CRIM1: variants seen among roughly 807,000 people sequenced by gnomAD.
CRIM1 encodes cysteine rich transmembrane BMP regulator 1.
CRIM1 carries 32 observed loss-of-function variants against 116.4 expected under a neutral mutation model. The observed-to-expected ratio is 0.27, with a 90% CI of 0.21 to 0.37. The LOEUF is 0.37. Ranked by LOEUF, CRIM1 falls within the 10% of genes least tolerant of loss-of-function variation. The pLI is 1.00. For synonymous variants in CRIM1, 590 were observed against 509.2 expected (o/e 1.16, Z -2.13); for missense variants, 1,331 against 1,354.8 (o/e 0.98, Z 0.28).
chr2:36,501,462 T>C (rs1216054881), intron 8 of CRIM1, among the ~76,000 whole-genome samples: 1 of 152,172 alleles, frequency 6.6e-6, no homozygotes, highest in Non-Finnish European at 1.5e-5. Flanking sequence ...CTCACACCTA[T>C]AATCCCAGCA....
At chr2:36,401,033 T>C (rs538895674) in intron 2 of CRIM1, among the ~76,000 whole-genome samples, 1 of 152,266 alleles carries the variant, frequency 6.6e-6, no homozygotes, top group South Asian at 2.1e-4. Context: ...AACATGGGTC[T>C]CCATTTCTGT....
intron 8 of CRIM1, among the ~76,000 whole-genome samples, chr2:36,507,629 C>T (rs569999822): frequency 2.0e-5 from 3 of 152,220 alleles, no homozygotes; most frequent in Admixed American, 6.5e-5. Context: ...TCCTAGGAGG[C>T]ATAGCCAGTC....
chr2:36,357,586 G>A (rs982406942), intron 1 of CRIM1, among the ~76,000 whole-genome samples: 1 of 152,180 alleles, frequency 6.6e-6, no homozygotes, highest in Non-Finnish European at 1.5e-5. Context: ...CTGGTTTGGG[G>A]TCTAGAGCGA....
At chr2:36,527,485 C>T (rs1047299029) in intron 13 of CRIM1, among the ~76,000 whole-genome samples, 1 of 152,146 alleles carries the variant, frequency 6.6e-6, no homozygotes, top group African/African-American at 2.4e-5. Context: ...TTCTTCTCAA[C>T]TGGCTGTGAT....
In CRIM1 at chr2:36,456,328, T is replaced by C. The variant is rs73924838; in HGVS notation, c.870-8206T>C. On this transcript the variant is annotated intron_variant, in intron 4 of 16. Coordinates refer to ENST00000280527, the MANE Select transcript of CRIM1 (RefSeq NM_016441.3). ...GGTAAACAGCTACAAAATCATTACG[T>C]GTTCATAAACAAGCTGATTCATTGT... 7.8e-3 allele frequency among the ~76,000 whole-genome samples: 1,181 copies of C among 152,320 alleles called. 20 individuals are homozygous for C. The highest frequency in any genetic ancestry group is 0.027 in the African/African-American group (1,109 of 41,566).
At chr2:36,474,963 A>G (rs191128689) in intron 5 of CRIM1, among the ~76,000 whole-genome samples, 21 of 152,082 alleles carry the variant, frequency 1.4e-4, no homozygotes, top group East Asian at 7.7e-4. Context: ...CTATATATCT[A>G]TCCCTGTGGC....
intron 8 of CRIM1, among the ~76,000 whole-genome samples, chr2:36,509,269 G>C (rs150793830): frequency 8.6e-4 from 131 of 152,258 alleles, no homozygotes; most frequent in Middle Eastern, 6.8e-3. Context: ...TGTAACCCCA[G>C]CACTTGGGAA....
At chr2:36,546,765 T>C (rs1235056008) in intron 15 of CRIM1, among the ~76,000 whole-genome samples, 1 of 52,616 alleles carries the variant, frequency 1.9e-5, no homozygotes, top group Non-Finnish European at 3.6e-5. Flanking sequence ...TCACTCTGAT[T>C]TTTTTTTTTT....
intron 16 of CRIM1, among the ~76,000 whole-genome samples, chr2:36,547,730 T>A (rs1312946498): frequency 6.6e-6 from 1 of 152,100 alleles, no homozygotes; most frequent in Admixed American, 6.5e-5. Context: ...GATTTCACAC[T>A]AAGGGAGAAA....
At chr2:36,438,061 G>A (rs1675465056) in intron 2 of CRIM1, among the ~76,000 whole-genome samples, 1 of 151,724 alleles carries the variant, frequency 6.6e-6, no homozygotes, top group Admixed American at 6.6e-5. Flanking sequence ...GAACCCAGGA[G>A]GTGGAGGTTG....
intron 9 of CRIM1, among the ~76,000 whole-genome samples, chr2:36,511,300 A>T (rs1664658618): frequency 6.6e-6 from 1 of 152,042 alleles, no homozygotes; most frequent in Non-Finnish European, 1.5e-5. Context: ...TCTGTCAGTC[A>T]TCTTTTTCAT....
Position 36,384,340 on chromosome 2 carries a change from G to C in CRIM1, c.332-12274G>C, listed in dbSNP as rs1671012266. ...GGCTAGGCACAGGCCTCATTTATCA[G>C]TGTGAGGGGTCAGACTTGACCCTGT... On this transcript the variant is annotated intron_variant, in intron 1 of 16. Transcript: ENST00000280527. Among the ~76,000 whole-genome samples, 3 of 152,192 alleles carry C rather than the reference G, an allele frequency of 2.0e-5. No individual in the cohort carries two copies. In the South Asian group the frequency reaches 6.2e-4, roughly 31 times the overall value.
chr2:36,539,583 G>A (rs1323437121), intron 14 of CRIM1, among the ~76,000 whole-genome samples: 1 of 152,164 alleles, frequency 6.6e-6, no homozygotes, highest in Non-Finnish European at 1.5e-5. Context: ...GGTCAATAGT[G>A]AAAGCAGAGA....
At chr2:36,465,585 A>G (rs1247566630) in intron 5 of CRIM1, among the ~76,000 whole-genome samples, 1 of 152,146 alleles carries the variant, frequency 6.6e-6, no homozygotes, top group Admixed American at 6.5e-5. Flanking sequence ...GTTGAGTCCT[A>G]TTTGGTTGCA....
Position 36,548,799 on chromosome 2 carries a change from T to TG in CRIM1, c.*100dup. The TG allele has an allele frequency of 9.7e-7, 1 of 1,028,956 alleles. No individual in the cohort carries two copies. The highest frequency in any genetic ancestry group is 1.4e-6 in the Non-Finnish European group (1 of 703,120). 63.7% of individuals were successfully genotyped at this position (1,028,956 alleles called of 1,614,324 possible). A position where few individuals can be genotyped will look rare whatever the true frequency, so the allele number is the denominator to read the frequency against. Reference sequence around the variant, plus strand: ...TGTGCACTTGCTTAGTGGATTGTATTGGATTGTGACTTGATGTACAGCGCT... The same window carrying TG: ...TGTGCACTTGCTTAGTGGATTGTATTGGGATTGTGACTTGATGTACAGCGCT... On this transcript the variant is annotated 3_prime_UTR_variant, in exon 17 of 17. Coordinates refer to ENST00000280527, the MANE Select transcript of CRIM1 (RefSeq NM_016441.3).
chr2:36,495,937 C>G (rs1329129809), intron 7 of CRIM1, among the ~76,000 whole-genome samples: 1 of 152,096 alleles, frequency 6.6e-6, no homozygotes, highest in Non-Finnish European at 1.5e-5. Flanking sequence ...TCATGGAAAT[C>G]TAACTACTCT....
intron 14 of CRIM1, 149 bp from the exon 15 acceptor site, chr2:36,544,227 A>G: frequency 1.8e-6 from 1 of 555,740 alleles, no homozygotes; most frequent in Non-Finnish European, 2.8e-6. Context: ...CTCTAGCATG[A>G]GTGATGAATG....
rs540045239 is a variant in CRIM1, at chr2:36,505,605, T to C, written c.1502-4378T>C. On this transcript the variant is annotated intron_variant, in intron 8 of 16. Coordinates refer to ENST00000280527, the MANE Select transcript of CRIM1 (RefSeq NM_016441.3). The stretch of plus-strand genomic sequence containing the variant: ...CAGTTTTACCAGAGGCTAATTGATA[T>C]AAACAAGAGTTAAGTTCCTACCATA... Among the ~76,000 whole-genome samples, 137 of 54,274 alleles carry C rather than the reference T, an allele frequency of 2.5e-3. 1 individual carries two copies. The highest frequency in any genetic ancestry group is 8.8e-3 in the African/African-American group (118 of 13,378). 35.6% of individuals were successfully genotyped at this position (54,274 alleles called of 152,430 possible).
chr2:36,449,177 A>G (rs1676491551), intron 4 of CRIM1, among the ~76,000 whole-genome samples: 1 of 152,206 alleles, frequency 6.6e-6, no homozygotes, highest in Non-Finnish European at 1.5e-5. Context: ...GTACAATTTC[A>G]CTAGAAATAT....
Sources: allele counts gnomAD v4.1 joint callset (sites outside exome capture counted in the v4.1 genomes callset), GRCh38; gene constraint gnomAD v4.1.1; transcripts MANE v1.5; gene names NCBI Gene and HGNC (gene_info 2026-07-23, HGNC 2026-07-21).